The following CD99L2 variants were observed in gnomAD, a reference collection of about 807,000 sequenced individuals.
CD99L2 encodes CD99 molecule like 2.
A neutral mutation model predicts 27.3 loss-of-function variants in CD99L2; 24 were observed. The observed-to-expected ratio is 0.88, with a 90% confidence interval of 0.64 to 1.24. CD99L2 has a LOEUF of 1.24. CD99L2 is among the 50% of genes most tolerant of loss of function. CD99L2 has a pLI of 0.00. For missense variants in CD99L2, 255 were observed against 221.6 expected (o/e 1.15, Z -0.96); for synonymous variants, 97 against 87.9 (o/e 1.10, Z -0.58).
At chrX:150,882,497 G>A (rs1426853848) in intron 1 of CD99L2, among the ~76,000 whole-genome samples, 2 of 111,113 alleles carry the variant, frequency 1.8e-5, no homozygotes, top group African/African-American at 6.6e-5. Flanking sequence ...GGCCAAGGGA[G>A]GCTGATCACT....
chrX:150,870,432 A>T (rs782625430), intron 1 of CD99L2, among the ~76,000 whole-genome samples: 193 of 112,135 alleles, frequency 1.7e-3, no homozygotes, highest in Non-Finnish European at 1.6e-3. Flanking sequence ...AGCAGTCCGT[A>T]CAAAAATGAG....
At chrX:150,894,651 G>A (rs782446332) in intron 1 of CD99L2, among the ~76,000 whole-genome samples, 4 of 110,503 alleles carry the variant, frequency 3.6e-5, no homozygotes, top group African/African-American at 9.9e-5. Context: ...GCAGTGGTGC[G>A]ATCTTGGCTC....
intron 10 of CD99L2, 121 bp downstream of exon 10, chrX:150,770,183 C>G: frequency 3.0e-6 from 2 of 676,045 alleles, no homozygotes; most frequent in Non-Finnish European, 4.5e-6. Flanking sequence ...GGCTTTTGCT[C>G]TGGCCGGACA....
chrX:150,893,754 C>T (rs2124396260), intron 1 of CD99L2, among the ~76,000 whole-genome samples: 1 of 110,214 alleles, frequency 9.1e-6, no homozygotes, highest in African/African-American at 3.3e-5. Context: ...CTCGCTCTGT[C>T]GCCCAGACTG....
chrX:150,785,795 A>G (rs961121375), intron 7 of CD99L2, among the ~76,000 whole-genome samples: 3 of 112,176 alleles, frequency 2.7e-5, no homozygotes, highest in African/African-American at 6.5e-5. Context: ...TGTTTTTGAC[A>G]TTTATCCATG....
At chrX:150,875,890 G>A (rs968755878) in intron 1 of CD99L2, among the ~76,000 whole-genome samples, 6 of 112,158 alleles carry the variant, frequency 5.3e-5, no homozygotes, top group Admixed American at 4.7e-4. Flanking sequence ...CTCCAGCCAC[G>A]TGGAATTGTA....
intron 4 of CD99L2, among the ~76,000 whole-genome samples, chrX:150,807,123 G>A (rs149334428): frequency 0.056 from 6,197 of 110,690 alleles, 149 homozygotes; most frequent in South Asian, 0.13. Flanking sequence ...GGGCCCTGAA[G>A]TTACAACTTT....
intron 7 of CD99L2, among the ~76,000 whole-genome samples, chrX:150,791,942 C>T (rs782504819): frequency 9.0e-6 from 1 of 111,593 alleles, no homozygotes; most frequent in South Asian, 3.8e-4. Flanking sequence ...TGCCTAAGAC[C>T]CAAGCCTGAA....
At chrX:150,871,373 A>G (rs782583342) in intron 1 of CD99L2, among the ~76,000 whole-genome samples, 10 of 111,802 alleles carry the variant, frequency 8.9e-5, no homozygotes, top group Non-Finnish European at 1.7e-4. Flanking sequence ...AAGCAAATAC[A>G]TTCATGAAAG....
intron 1 of CD99L2, among the ~76,000 whole-genome samples, chrX:150,873,637 A>G: frequency 8.9e-6 from 1 of 112,085 alleles, no homozygotes; most frequent in East Asian, 2.8e-4. Flanking sequence ...CAGGGAAGGT[A>G]GCATAAAGAT....
intron 7 of CD99L2, among the ~76,000 whole-genome samples, chrX:150,791,982 T>C (rs1557419720): frequency 8.9e-6 from 1 of 112,225 alleles, no homozygotes; most frequent in Non-Finnish European, 1.9e-5. Context: ...CTTTTCATGC[T>C]GAAGATCATA....
At position 150,793,965 on chromosome X, in the gene CD99L2, T is replaced by C. The variant is rs1487931302; in HGVS notation, c.431-209A>G. ...ACCACTCTGAGTGTGAGTGGAACCA[T>C]GGATAGGATGGCTATATCACTCCCG... is the stretch of plus-strand genomic sequence containing the variant. On this transcript the variant is annotated intron_variant, in intron 6 of 10. Transcript: ENST00000370377. Among the ~76,000 whole-genome samples the C allele has an allele frequency of 4.5e-5, 5 of 111,156 alleles. No individual in the cohort carries two copies. The East Asian group carries it at 1.1e-3, about 25-fold the overall frequency.
chrX:150,782,211 A>G (rs2045524694), intron 7 of CD99L2, among the ~76,000 whole-genome samples: 1 of 112,891 alleles, frequency 8.9e-6, no homozygotes, highest in Admixed American at 9.3e-5. Flanking sequence ...ATCTAAAAAA[A>G]TGGCCAAAGT....
chrX:150,798,847 C>G (rs782706382), intron 4 of CD99L2, among the ~76,000 whole-genome samples: 25 of 112,507 alleles, frequency 2.2e-4, no homozygotes, highest in Non-Finnish European at 3.4e-4. Flanking sequence ...GCCTTCCAGA[C>G]TCAAGTGATC....
intron 1 of CD99L2, among the ~76,000 whole-genome samples, chrX:150,852,500 T>C (rs1557421635): frequency 9.1e-6 from 1 of 110,170 alleles, no homozygotes; most frequent in Admixed American, 9.8e-5. Context: ...GTTGAAAGTG[T>C]GAAATTCAGT....
chrX:150,813,563 T>C (rs1297985011), intron 4 of CD99L2, among the ~76,000 whole-genome samples: 1 of 112,237 alleles, frequency 8.9e-6, no homozygotes. Flanking sequence ...AAGTTTATGA[T>C]AGCATGTTCA....
chrX:150,804,280 A>C (rs1557420172), intron 4 of CD99L2, among the ~76,000 whole-genome samples: 1 of 112,581 alleles, frequency 8.9e-6, no homozygotes, highest in Non-Finnish European at 1.9e-5. Context: ...AATGTGTGGA[A>C]ATTGAACAAC....
chrX:150,815,910 A>T, intron 3 of CD99L2, 97 bp downstream of exon 3: 2 of 845,743 alleles, frequency 2.4e-6, no homozygotes, highest in Non-Finnish European at 3.6e-6. Context: ...TTCTGCACAC[A>T]TGGGGCTTAA....
intron 4 of CD99L2, among the ~76,000 whole-genome samples, chrX:150,813,146 C>T (rs1418678939): frequency 9.0e-6 from 1 of 111,126 alleles, no homozygotes; most frequent in Non-Finnish European, 1.9e-5. Context: ...CTTATGGTGA[C>T]GGAACTGTTT....
Sources: gnomAD v4.1 joint callset for allele counts (sites outside exome capture counted in the v4.1 genomes callset) on GRCh38, gnomAD v4.1.1 for gene constraint, MANE v1.5 for transcripts, NCBI Gene and HGNC (gene_info 2026-07-23, HGNC 2026-07-21) for gene names.